The following KCNH1 variants were observed in gnomAD, a reference collection of about 807,000 sequenced individuals.
The protein encoded by KCNH1 is voltage-gated delayed rectifier potassium channel KCNH1.
A neutral mutation model predicts 69.2 loss-of-function variants in KCNH1; 27 were observed. That is an observed-to-expected ratio of 0.39 (90% CI 0.29 to 0.54). The LOEUF is 0.54. Ranked by LOEUF, KCNH1 falls within the 20% of genes least tolerant of loss-of-function variation. The pLI, the probability that KCNH1 is intolerant of heterozygous loss-of-function variation, is 0.68. For missense variants in KCNH1, 798 were observed against 1,261.6 expected (o/e 0.63, Z 5.57); for synonymous variants, 456 against 487.7 (o/e 0.93, Z 0.86).
chr1:210,775,497 C>T lies in KCNH1; in HGVS notation c.1963G>A (p.Ala655Thr). Residue 655 changes from alanine (A) to threonine (T), a missense_variant, in exon 10 of 11, where the codon GCC (alanine) becomes ACC (threonine). Physicochemically the swap from Ala to Thr is moderately conservative, Grantham distance 58 (BLOSUM62 0). Transcript: ENST00000271751. ...GCCCTAACATTGGCACAGGACTGGG[C>T]AAGGGTGGCTTCCTTCCAGAACACA... Reference protein sequence around the residue: ...GDVFWKEATLAQSCANVRALT... With the variant: ...GDVFWKEATLTQSCANVRALT... 1 of 1,614,042 alleles carries T rather than the reference C, an allele frequency of 6.2e-7. No individual in the cohort carries two copies. Among genetic ancestry groups the T allele is most frequent in the Non-Finnish European group, 8.5e-7 (1 of 1,179,942 alleles).
chr1:210,874,693 T>C (rs1050889807), intron 7 of KCNH1, among the ~76,000 whole-genome samples: 1 of 152,200 alleles, frequency 6.6e-6, no homozygotes. Flanking sequence ...CATCAATATA[T>C]ACACACATAT....
intron 5 of KCNH1, among the ~76,000 whole-genome samples, chr1:211,071,281 C>T (rs949117620): frequency 3.9e-5 from 6 of 152,138 alleles, no homozygotes; most frequent in Non-Finnish European, 7.4e-5. Flanking sequence ...AGTGCCACCT[C>T]GTATGGGTCC....
chr1:210,787,096 TCTCAAGGC>T (rs1216439311), intron 9 of KCNH1, among the ~76,000 whole-genome samples: 1 of 152,054 alleles, frequency 6.6e-6, no homozygotes, highest in Non-Finnish European at 1.5e-5. Context: ...CCCTAACAAG[TCTCAAGGC>T]CTTGCTCACC....
chr1:210,797,389 T>A (rs1684336595), intron 9 of KCNH1, 119 bp downstream of exon 9: 1 of 1,072,214 alleles, frequency 9.3e-7, no homozygotes, highest in Non-Finnish European at 1.4e-6. Context: ...TAAGTGAATA[T>A]TAGCAATTGG....
At chr1:211,085,725 G>A (rs1690941125) in intron 4 of KCNH1, among the ~76,000 whole-genome samples, 1 of 152,200 alleles carries the variant, frequency 6.6e-6, no homozygotes, top group Non-Finnish European at 1.5e-5. Flanking sequence ...AAAAACATAG[G>A]AAGAGCAAAC....
At chr1:210,941,107 C>T (rs752887644) in intron 6 of KCNH1, among the ~76,000 whole-genome samples, 2 of 152,156 alleles carry the variant, frequency 1.3e-5, no homozygotes, top group Non-Finnish European at 2.9e-5. Context: ...ACAGCACCAA[C>T]ATTAGGAAAG....
chr1:210,851,185 A>G (rs1056834236), intron 7 of KCNH1, among the ~76,000 whole-genome samples: 1 of 152,230 alleles, frequency 6.6e-6, no homozygotes, highest in African/African-American at 2.4e-5. Flanking sequence ...AGCCTTTGGA[A>G]AGTGATGACT....
rs1450611360 is a variant in KCNH1, at chr1:210,692,456, C to A, written c.2113-8318G>T. ...CTATCCTCCGGCATTTCACTAGGGGCCACATTTGTCACCTTCTCCTTGTTT... is the reference window on the plus strand; with the variant it reads ...CTATCCTCCGGCATTTCACTAGGGGACACATTTGTCACCTTCTCCTTGTTT... On this transcript the variant is annotated intron_variant, in intron 10 of 10. Coordinates refer to ENST00000271751, the MANE Select transcript of KCNH1 (RefSeq NM_172362.3). Among the ~76,000 whole-genome samples the A allele has an allele frequency of 4.6e-5, 7 of 152,278 alleles. No individual in the cohort carries two copies. The East Asian group carries it at 1.4e-3, about 29-fold the overall frequency.
intron 7 of KCNH1, among the ~76,000 whole-genome samples, chr1:210,872,017 C>T (rs1686259991): frequency 6.6e-6 from 1 of 151,262 alleles, no homozygotes; most frequent in African/African-American, 2.4e-5. Flanking sequence ...CTAACCTGCA[C>T]ATTGTGCAGA....
intron 5 of KCNH1, among the ~76,000 whole-genome samples, chr1:211,053,792 A>G (rs953829343): frequency 6.6e-6 from 1 of 152,194 alleles, no homozygotes; most frequent in African/African-American, 2.4e-5. Context: ...GACTCCCACC[A>G]AAAAACTCCA....
chr1:211,023,852 A>G (rs1158596417), intron 5 of KCNH1, among the ~76,000 whole-genome samples: 2 of 152,182 alleles, frequency 1.3e-5, no homozygotes, highest in East Asian at 3.8e-4. Flanking sequence ...TTTTAAAATT[A>G]GTATTTGATA....
chr1:210,715,741 A>AAACC (rs1682216339), intron 10 of KCNH1, among the ~76,000 whole-genome samples: 1 of 152,192 alleles, frequency 6.6e-6, no homozygotes, highest in Non-Finnish European at 1.5e-5. Context: ...TCATCAAAAC[A>AAACC]AACCCACGTG....
chr1:210,732,208 C>A (rs1385786325), intron 10 of KCNH1, among the ~76,000 whole-genome samples: 3 of 151,544 alleles, frequency 2.0e-5, no homozygotes, highest in Admixed American at 2.0e-4. Flanking sequence ...ATCTCACCCC[C>A]ACAAGCAGAA....
intron 10 of KCNH1, among the ~76,000 whole-genome samples, chr1:210,764,219 C>T (rs568770899): frequency 1.3e-5 from 2 of 152,054 alleles, no homozygotes; most frequent in Non-Finnish European, 2.9e-5. Flanking sequence ...GAAATTAACA[C>T]AAGATGAATT....
intron 1 of KCNH1, among the ~76,000 whole-genome samples, chr1:211,119,944 C>T (rs1224894435): frequency 2.0e-5 from 3 of 152,146 alleles, no homozygotes; most frequent in Non-Finnish European, 4.4e-5. Flanking sequence ...GCATGACCTC[C>T]ATCTTCATTC....
chr1:210,766,147 TGTTG>T (rs1052988081), intron 10 of KCNH1, among the ~76,000 whole-genome samples: 5 of 152,208 alleles, frequency 3.3e-5, no homozygotes, highest in African/African-American at 1.2e-4. Flanking sequence ...TGTATATTTT[TGTTG>T]GTTGGTTGGT....
At chr1:210,876,425 T>C (rs915860717) in intron 7 of KCNH1, among the ~76,000 whole-genome samples, 2 of 152,158 alleles carry the variant, frequency 1.3e-5, no homozygotes, top group Admixed American at 1.3e-4. Context: ...CATTGGAATT[T>C]GCTTGTTTAA....
At chr1:211,120,795 C>A (rs11579711) in intron 1 of KCNH1, among the ~76,000 whole-genome samples, 3 of 151,918 alleles carry the variant, frequency 2.0e-5, no homozygotes. Flanking sequence ...ATCATCTCAG[C>A]CCAAAAACTT....
intron 7 of KCNH1, among the ~76,000 whole-genome samples, chr1:210,819,794 T>C (rs1684890583): frequency 6.6e-6 from 1 of 152,222 alleles, no homozygotes; most frequent in Non-Finnish European, 1.5e-5. Flanking sequence ...TGACTTGGTG[T>C]AGCTACCAAG....
Sources: gnomAD v4.1 joint callset for allele counts (sites outside exome capture counted in the v4.1 genomes callset) on GRCh38, gnomAD v4.1.1 for gene constraint, MANE v1.5 for transcripts, NCBI Gene and HGNC (gene_info 2026-07-23, HGNC 2026-07-21) for gene names.